Variants in WASF1 observed in about 807,000 individuals in gnomAD.
The protein encoded by WASF1 is WASP family member 1.
Under a neutral mutation model 50.5 loss-of-function variants are expected in WASF1, and 7 were observed. That is an observed-to-expected ratio of 0.14 (90% CI 0.08 to 0.26). WASF1 has a LOEUF of 0.26. WASF1 is among the 10% of genes least tolerant of loss of function. The pLI is 1.00. For synonymous variants in WASF1, 205 were observed against 244.0 expected, an observed-to-expected ratio of 0.84 and a Z score of 1.49; for missense variants, 470 against 694.7, an observed-to-expected ratio of 0.68 and a Z score of 3.64.
At chr6:110,124,274 C>CTATATATATATATATATATA (rs35703116) in intron 4 of WASF1, among the ~76,000 whole-genome samples, 6 of 20,504 alleles carry the variant, frequency 2.9e-4, no homozygotes, top group East Asian at 2.7e-3. Flanking sequence ...CTCTCTCTCT[C>CTATATATATATATATATATA]TATATATATA....
chr6:110,107,757 G>T (rs1016053496), intron 6 of WASF1, among the ~76,000 whole-genome samples: 2 of 152,090 alleles, frequency 1.3e-5, no homozygotes, highest in African/African-American at 2.4e-5. Context: ...CCATGTGAAA[G>T]AACTTCAAAG....
At chr6:110,123,081 G>A (rs1774212649) in intron 4 of WASF1, among the ~76,000 whole-genome samples, 1 of 152,142 alleles carries the variant, frequency 6.6e-6, no homozygotes, top group Non-Finnish European at 1.5e-5. Flanking sequence ...ATGAGGGTTA[G>A]AGAAGATTAT....
At chr6:110,100,903 T>A (rs1208409020) in intron 10 of WASF1, among the ~76,000 whole-genome samples, 1 of 152,146 alleles carries the variant, frequency 6.6e-6, no homozygotes. Flanking sequence ...GTATCTACAG[T>A]TTATTTATCC....
Position 110,179,608 on chromosome 6 carries a change from G to T in WASF1, c.-441C>A, listed in dbSNP as rs1203670220. On this transcript the variant is annotated 5_prime_UTR_variant, in exon 1 of 11. Coordinates refer to ENST00000392589, the MANE Select transcript of WASF1 (RefSeq NM_003931.3). The stretch of plus-strand genomic sequence containing the variant: ...GCCAGGCCACAGGGAACGCCGCCTG[G>T]GGCGCCAACCCGCCGCCGGACCCAC... 1 of 152,038 alleles carries T rather than the reference G, an allele frequency of 6.6e-6. No individual in the cohort carries two copies. Among genetic ancestry groups the T allele is most frequent in the African/African-American group, 2.4e-5 (1 of 41,406 alleles). The allele number at this position is 152,038 out of a possible 1,614,324, so 9.4% of individuals were successfully genotyped here. A position where few individuals can be genotyped will look rare whatever the true frequency, so the allele number is the denominator to read the frequency against.
intron 1 of WASF1, among the ~76,000 whole-genome samples, chr6:110,179,055 T>C (rs1414566437): frequency 6.6e-6 from 1 of 152,232 alleles, no homozygotes; most frequent in African/African-American, 2.4e-5. Flanking sequence ...CAGGGGATTC[T>C]CTGTCGCCCG....
chr6:110,152,788 A>G (rs1226027483), intron 3 of WASF1, among the ~76,000 whole-genome samples: 1 of 152,198 alleles, frequency 6.6e-6, no homozygotes, highest in Non-Finnish European at 1.5e-5. Flanking sequence ...GTGATAGAAA[A>G]CTAATGCATT....
chr6:110,128,966 G>C (rs116064636), intron 3 of WASF1, among the ~76,000 whole-genome samples: 11,094 of 151,982 alleles, frequency 0.073, 551 homozygotes, highest in African/African-American at 0.14. Context: ...CAGTTTCATC[G>C]CGAAACCATC....
At chr6:110,128,724 C>A (rs1040290345) in intron 3 of WASF1, among the ~76,000 whole-genome samples, 3 of 152,134 alleles carry the variant, frequency 2.0e-5, no homozygotes, top group African/African-American at 7.2e-5. Flanking sequence ...ACTCCCCAAC[C>A]CCCCAGCTGC....
chr6:110,108,809 G>A (rs1562163064), intron 5 of WASF1, 128 bp from the exon 6 acceptor site: 2 of 766,566 alleles, frequency 2.6e-6, no homozygotes, highest in Non-Finnish European at 4.0e-6. Flanking sequence ...AGTGGCTTAT[G>A]AATCAGAAAC....
At chr6:110,151,795 G>C (rs1309981153) in intron 3 of WASF1, among the ~76,000 whole-genome samples, 2 of 152,002 alleles carry the variant, frequency 1.3e-5, no homozygotes, top group Non-Finnish European at 2.9e-5. Context: ...TAGAAAAAGT[G>C]GTAAGTATAT....
At position 110,101,881 on chromosome 6, in the gene WASF1, A is replaced by G. The variant is rs1288877007; in HGVS notation, c.1229T>C (p.Val410Ala). 5.0e-6 allele frequency: 8 copies of G among 1,613,630 alleles called. No homozygotes were observed. The stretch of plus-strand genomic sequence containing the variant: ...ACCTTGTGGGAGTGGATGAACTGGT[A>G]CAGTCTCACATACTGGGGCAGCTCT... The part of the protein sequence containing the change: ...VARAAPVCET[V>A]PVHPLPQGEV... The change falls in exon 10 of 11, where the codon GTA becomes GCA. Residue 410 changes from valine (V) to alanine (A), a missense_variant. Around this residue, in one of 3 missense-constraint regions of WASF1, gnomAD observed 294 missense variants for 343.5 expected, o/e 0.86. Transcript: ENST00000392589.
intron 3 of WASF1, among the ~76,000 whole-genome samples, chr6:110,155,422 A>G (rs192449362): frequency 2.0e-5 from 3 of 152,090 alleles, no homozygotes; most frequent in Non-Finnish European, 2.9e-5. Flanking sequence ...AGTGATGAGA[A>G]GACATTTAAT....
intron 2 of WASF1, among the ~76,000 whole-genome samples, chr6:110,171,190 A>C (rs1450560902): frequency 6.6e-6 from 1 of 152,146 alleles, no homozygotes; most frequent in Non-Finnish European, 1.5e-5. Flanking sequence ...GCCATAAAAC[A>C]CACCTGAAAA....
intron 2 of WASF1, among the ~76,000 whole-genome samples, chr6:110,164,882 G>A (rs1776408266): frequency 6.6e-6 from 1 of 151,524 alleles, no homozygotes; most frequent in Admixed American, 6.6e-5. Flanking sequence ...GAAATATCAA[G>A]CCATGAAAAT....
intron 4 of WASF1, among the ~76,000 whole-genome samples, chr6:110,120,275 G>C (rs552275088): frequency 6.6e-6 from 1 of 152,294 alleles, no homozygotes; most frequent in African/African-American, 2.4e-5. Context: ...TGACATGATT[G>C]TATATTTAGA....
intron 3 of WASF1, among the ~76,000 whole-genome samples, chr6:110,159,465 T>A (rs1776171764): frequency 6.6e-6 from 1 of 150,672 alleles, no homozygotes; most frequent in Admixed American, 6.6e-5. Context: ...ATTACAATAT[T>A]TTTTCCACAC....
chr6:110,125,197 T>C (rs1308862266), intron 4 of WASF1, among the ~76,000 whole-genome samples: 1 of 152,230 alleles, frequency 6.6e-6, no homozygotes, highest in African/African-American at 2.4e-5. Context: ...AAATGGAATA[T>C]AAAATTAAAC....
intron 2 of WASF1, among the ~76,000 whole-genome samples, chr6:110,171,483 A>C (rs974911568): frequency 6.6e-6 from 1 of 152,190 alleles, no homozygotes; most frequent in Non-Finnish European, 1.5e-5. Context: ...TCCGCAGTTT[A>C]TAACGGGGTT....
chr6:110,150,612 A>G (rs889207052), intron 3 of WASF1, among the ~76,000 whole-genome samples: 9 of 152,214 alleles, frequency 5.9e-5, no homozygotes, highest in Non-Finnish European at 1.3e-4. Flanking sequence ...CAAGTTGAGA[A>G]TAAGAGAGGA....
Sources: allele counts gnomAD v4.1 joint callset (sites outside exome capture counted in the v4.1 genomes callset), GRCh38; gene constraint gnomAD v4.1.1; regional missense constraint gnomAD v4.1.1; transcripts MANE v1.5; gene names NCBI Gene and HGNC (gene_info 2026-07-23, HGNC 2026-07-21).